PTPRN2: variants seen among roughly 807,000 people sequenced by gnomAD.
PTPRN2 encodes receptor-type tyrosine-protein phosphatase N2.
Under a neutral mutation model 118.8 loss-of-function variants are expected in PTPRN2, and 74 were observed. The ratio of observed to expected loss-of-function variants is 0.62; its 90% CI spans 0.52 to 0.76. The LOEUF (loss-of-function observed/expected upper bound fraction) is 0.76, where lower values mean the gene tolerates loss of function less well. Among genes scored for constraint, PTPRN2 ranks in the 30% least tolerant of loss-of-function variants. PTPRN2 has a pLI of 0.00. For synonymous variants in PTPRN2, 641 were observed against 608.0 expected (o/e 1.05, Z -0.80); for missense variants, 1,481 against 1,394.4 (o/e 1.06, Z -0.99).
At chr7:158,173,122 G>C (rs541084224) in intron 5 of PTPRN2, among the ~76,000 whole-genome samples, 1 of 133,288 alleles carries the variant, frequency 7.5e-6, no homozygotes, top group African/African-American at 2.9e-5. Context: ...CACCACCAGC[G>C]TCCCCACCAT....
rs1367799336 is a variant in PTPRN2, at chr7:158,332,862, C to T, written c.164-15930G>A. On this transcript the variant is annotated intron_variant, in intron 2 of 22. Transcript: ENST00000389418. ...TGACACATGCAAACGTCACTCACAC[C>T]CACACTCTCACCATAAGAAGTGACA... Among the ~76,000 whole-genome samples the T allele has an allele frequency of 2.0e-5, 3 of 149,052 alleles. No individual in the cohort carries two copies. The East Asian group carries it at 5.8e-4, about 29-fold the overall frequency.
At position 158,103,299 on chromosome 7, in the gene PTPRN2, G is replaced by A. The variant is rs78118820; in HGVS notation, c.1643+7530C>T. 7.3e-3 allele frequency among the ~76,000 whole-genome samples: 1,109 copies of A among 152,120 alleles called. 21 individuals carry two copies. Among genetic ancestry groups the A allele is most frequent in the African/African-American group, 0.025 (1,043 of 41,554 alleles). On this transcript the variant is annotated intron_variant, in intron 10 of 22. Transcript: ENST00000389418. ...CCTGGGATGGAATCCTTCGTGGAAA[G>A]GAATGCAGTTTGAACCATTCAGGAC...
chr7:158,162,031 G>A (rs777500196), intron 6 of PTPRN2, among the ~76,000 whole-genome samples: 11 of 152,214 alleles, frequency 7.2e-5, no homozygotes, highest in Middle Eastern at 6.8e-3. Flanking sequence ...AAATGACAAC[G>A]AGACACCACC....
chr7:157,600,654 CT>C (rs1424718842), intron 16 of PTPRN2, among the ~76,000 whole-genome samples: 1 of 152,268 alleles, frequency 6.6e-6, no homozygotes, highest in Non-Finnish European at 1.5e-5. Context: ...AGTGATTCGC[CT>C]GCCTTGGCCT....
At chr7:157,955,876 A>G (rs1801154437) in intron 11 of PTPRN2, among the ~76,000 whole-genome samples, 1 of 151,704 alleles carries the variant, frequency 6.6e-6, no homozygotes, top group South Asian at 2.1e-4. Flanking sequence ...ATCTGAGAAA[A>G]CCCCCAAATT....
chr7:157,994,170 C>A (rs75545183), intron 11 of PTPRN2, among the ~76,000 whole-genome samples: 19,659 of 152,104 alleles, frequency 0.13, 1,584 homozygotes, highest in South Asian at 0.19. Flanking sequence ...GCCATTAATA[C>A]TGGTCTGCTT....
intron 2 of PTPRN2, among the ~76,000 whole-genome samples, chr7:158,395,374 G>C (rs1245767021): frequency 2.7e-4 from 1 of 3,708 alleles, no homozygotes; most frequent in Admixed American, 2.6e-3. Flanking sequence ...GGGGCGAGGG[G>C]GAGGCGCGAG....
rs186231147 is a variant in PTPRN2 at position 157,893,912 on chromosome 7, C to T, written c.1788+4761G>A. Among the ~76,000 whole-genome samples the T allele has an allele frequency of 2.6e-5, 4 of 152,262 alleles. No homozygotes were observed. Among genetic ancestry groups the T allele is most frequent in the East Asian group, 1.9e-4 (1 of 5,172 alleles). Reference sequence around the variant, plus strand: ...TTGAAGGGAACAGAGATGGCCGTCGCGCCCAGTGAGAGCAGAAAGCAATGC... The same window carrying T: ...TTGAAGGGAACAGAGATGGCCGTCGTGCCCAGTGAGAGCAGAAAGCAATGC... On this transcript the variant is annotated intron_variant, in intron 12 of 22. Coordinates refer to ENST00000389418, the MANE Select transcript of PTPRN2 (RefSeq NM_002847.5). The surrounding 1 kb of genome is among the most constrained non-coding windows in gnomAD (Gnocchi z 4.0).
intron 12 of PTPRN2, among the ~76,000 whole-genome samples, chr7:157,747,342 G>C (rs369007389): frequency 3.3e-3 from 407 of 123,878 alleles, no homozygotes; most frequent in African/African-American, 0.01. Context: ...TCCCTGAGCT[G>C]TGGGGTGTCC....
At chr7:157,720,002 C>A (rs1013793251) in intron 12 of PTPRN2, among the ~76,000 whole-genome samples, 3 of 152,160 alleles carry the variant, frequency 2.0e-5, no homozygotes, top group African/African-American at 7.2e-5. Context: ...GACTCATCAC[C>A]CACTGGTAAG....
At chr7:158,113,311 G>A (rs1816445628) in intron 9 of PTPRN2, among the ~76,000 whole-genome samples, 1 of 152,142 alleles carries the variant, frequency 6.6e-6, no homozygotes, top group African/African-American at 2.4e-5. Context: ...TAGGAAAGGA[G>A]AGATGGGGCC....
chr7:157,645,969 G>A (rs1319152685), intron 14 of PTPRN2, among the ~76,000 whole-genome samples: 1 of 152,252 alleles, frequency 6.6e-6, no homozygotes, highest in Non-Finnish European at 1.5e-5. Flanking sequence ...TGAAAAAGGT[G>A]CAAGACGTAA....
chr7:158,285,908 C>A (rs1280875387), intron 3 of PTPRN2, among the ~76,000 whole-genome samples: 2 of 152,128 alleles, frequency 1.3e-5, no homozygotes, highest in African/African-American at 2.4e-5. Flanking sequence ...GCTCCACACA[C>A]CTCTGAGGTT....
chr7:157,754,478 G>C (rs966782665), intron 12 of PTPRN2, among the ~76,000 whole-genome samples: 4 of 152,218 alleles, frequency 2.6e-5, no homozygotes, highest in African/African-American at 9.6e-5. Flanking sequence ...CATCAACCTA[G>C]ACCAGCCCCT....
chr7:158,307,819 G>T (rs1801408212), intron 3 of PTPRN2, among the ~76,000 whole-genome samples: 1 of 152,170 alleles, frequency 6.6e-6, no homozygotes, highest in South Asian at 2.1e-4. Context: ...CTGCCCTCAT[G>T]AATGGATTAA....
chr7:158,138,374 C>G lies in PTPRN2; in HGVS notation c.1052G>C (p.Ser351Thr). The change falls in exon 7 of 23, where the codon AGC (serine) becomes ACC (threonine). Residue 351 changes from serine (S) to threonine (T), a missense_variant. Ser to Thr is a moderately conservative substitution (Grantham distance 58). Coordinates refer to ENST00000389418, the MANE Select transcript of PTPRN2 (RefSeq NM_002847.5). ...QGVDHGVARG[S>T]PGRAALGESG... ...CTCTCCCAGGGCCGCTCTCCCAGGGCTGCCTCGAGCTACTCCATGGTCCAC... is the reference window on the plus strand; with the variant it reads ...CTCTCCCAGGGCCGCTCTCCCAGGGGTGCCTCGAGCTACTCCATGGTCCAC... The G allele has an allele frequency of 6.2e-7, 1 of 1,613,880 alleles. No individual in the cohort carries two copies. The highest frequency in any genetic ancestry group is 8.5e-7 in the Non-Finnish European group (1 of 1,180,030).
At chr7:158,474,325 C>T (rs116725355) in intron 2 of PTPRN2, among the ~76,000 whole-genome samples, 1 of 152,190 alleles carries the variant, frequency 6.6e-6, no homozygotes, top group Non-Finnish European at 1.5e-5. Context: ...ACTGGCACCC[C>T]GAGTCAACTT....
At position 158,015,089 on chromosome 7, in the gene PTPRN2, T is replaced by C. The variant is rs1181399099; in HGVS notation, c.1723+66209A>G. ...ATCTTGCAAATCCCTCAGATAAAAGTGGGTTGCTGAAATGAGAGGCTCAGA... is the reference window on the plus strand; with the variant it reads ...ATCTTGCAAATCCCTCAGATAAAAGCGGGTTGCTGAAATGAGAGGCTCAGA... On this transcript the variant is annotated intron_variant, in intron 11 of 22. Transcript: ENST00000389418. The surrounding 1 kb of genome is among the most constrained non-coding windows in gnomAD (Gnocchi z 4.2). Among the ~76,000 whole-genome samples, 1 of 152,178 alleles carries C rather than the reference T, an allele frequency of 6.6e-6. No individual in the cohort carries two copies. The highest frequency in any genetic ancestry group is 2.4e-5 in the African/African-American group (1 of 41,436).
chr7:158,124,837 C>T (rs1407551650), intron 9 of PTPRN2, among the ~76,000 whole-genome samples: 2 of 152,202 alleles, frequency 1.3e-5, no homozygotes, highest in Non-Finnish European at 2.9e-5. Flanking sequence ...AGCCAGATTC[C>T]AACAGGAGAG....
Sources: gnomAD v4.1 joint callset for allele counts (sites outside exome capture counted in the v4.1 genomes callset) on GRCh38, gnomAD v4.1.1 for gene constraint, Gnocchi (gnomAD v3.1) non-coding constraint, MANE v1.5 for transcripts, NCBI Gene and HGNC (gene_info 2026-07-23, HGNC 2026-07-21) for gene names.